BTD: variants seen among roughly 807,000 people sequenced by gnomAD.
The protein encoded by BTD is biocytinase.
Under a neutral mutation model 17.7 loss-of-function variants are expected in BTD, and 13 were observed. The observed-to-expected ratio is 0.74, with a 90% CI of 0.48 to 1.17. The LOEUF is 1.17. Ranked by LOEUF, BTD falls within the 50% of genes most tolerant of loss-of-function variation. BTD has a pLI of 0.00. For missense variants in BTD, 674 were observed against 650.4 expected (o/e 1.04, Z -0.39); for synonymous variants, 240 against 245.2 (o/e 0.98, Z 0.20).
rs1324742427 is a variant in BTD, at chr3:15,653,082, A to G, written c.*7594A>G. On this transcript the variant is annotated 3_prime_UTR_variant, in exon 4 of 4. Coordinates refer to ENST00000643237, the MANE Select transcript of BTD (RefSeq NM_001370658.1). ...AGACAGAGTTATCCAACAGCCTGGTATGGTGCAGACCAGGGGCTCTCGAAA... is the reference window on the plus strand; with the variant it reads ...AGACAGAGTTATCCAACAGCCTGGTGTGGTGCAGACCAGGGGCTCTCGAAA... Among the ~76,000 whole-genome samples, 1 of 152,232 alleles carries G rather than the reference A, an allele frequency of 6.6e-6. No homozygotes were observed. The highest frequency in any genetic ancestry group is 1.5e-5 in the Non-Finnish European group (1 of 68,040).
intron 3 of BTD, chr3:15,670,444 T>C: frequency 6.2e-7 from 1 of 1,613,978 alleles, no homozygotes; most frequent in Non-Finnish European, 8.5e-7. Context: ...TGGCATTGAA[T>C]GTTAAGGATG....
chr3:15,665,546 AG>A (rs1355861594), intron 3 of BTD, among the ~76,000 whole-genome samples: 2 of 152,236 alleles, frequency 1.3e-5, no homozygotes, highest in Non-Finnish European at 2.9e-5. Context: ...CAAAAAGAGA[AG>A]GAACAGGAAC....
intron 3 of BTD, chr3:15,668,279 T>C (rs2066082959): frequency 6.6e-6 from 1 of 151,970 alleles, no homozygotes. Context: ...TCTAGAAAAT[T>C]CCCTCAGGGA....
downstream of BTD, among the ~76,000 whole-genome samples, chr3:15,713,366 A>G (rs1371050698): frequency 6.6e-6 from 1 of 152,248 alleles, no homozygotes; most frequent in East Asian, 1.9e-4. Flanking sequence ...TTGTATTTAA[A>G]CATTTTAACC....
intron 3 of BTD, among the ~76,000 whole-genome samples, chr3:15,686,775 C>T (rs2068175200): frequency 6.6e-6 from 1 of 152,156 alleles, no homozygotes; most frequent in Non-Finnish European, 1.5e-5. Flanking sequence ...ATACTTTTAT[C>T]TTTAATAATG....
intron 3 of BTD, among the ~76,000 whole-genome samples, chr3:15,682,021 C>T (rs973974478): frequency 1.3e-5 from 2 of 151,878 alleles, no homozygotes; most frequent in Non-Finnish European, 2.9e-5. Context: ...ACTTAAGAGC[C>T]CCTCATTCTC....
intron 3 of BTD, chr3:15,686,093 T>G: frequency 6.2e-7 from 1 of 1,613,494 alleles, no homozygotes. Context: ...TGTGTGCCCG[T>G]TGAGAACAGA....
In BTD at chr3:15,649,742, C is replaced by G. The variant is rs1663573454; in HGVS notation, c.*4254C>G. Among the ~76,000 whole-genome samples the G allele has an allele frequency of 6.6e-6, 1 of 152,214 alleles. No individual in the cohort carries two copies. Among genetic ancestry groups the G allele is most frequent in the Admixed American group, 6.5e-5 (1 of 15,292 alleles). On this transcript the variant is annotated 3_prime_UTR_variant, in exon 4 of 4. Transcript: ENST00000643237. Reference sequence around the variant, plus strand: ...TTCAAGGTCTACTCTCTCATCACAGCTTGTGACTCTTCCACTTTTTGAACT... The same window carrying G: ...TTCAAGGTCTACTCTCTCATCACAGGTTGTGACTCTTCCACTTTTTGAACT...
intron 3 of BTD, chr3:15,679,234 T>G (rs915651269): frequency 6.8e-7 from 1 of 1,462,124 alleles, no homozygotes; most frequent in Admixed American, 1.7e-5. Context: ...CCTCCCAGAT[T>G]GTTAGGATTA....
intron 3 of BTD, among the ~76,000 whole-genome samples, chr3:15,643,969 AATTTATTTATTTATTT>A (rs72529474): frequency 0.032 from 4,469 of 137,972 alleles, 221 homozygotes; most frequent in African/African-American, 0.11. Context: ...TCATTTATTT[AATTTATTTATTTATTT>A]ATTTATTTAT....
At chr3:15,698,135 G>A (rs147424575) in intron 3 of BTD, among the ~76,000 whole-genome samples, 8 of 151,704 alleles carry the variant, frequency 5.3e-5, no homozygotes, top group East Asian at 1.9e-4. Context: ...TCTTGCTAGC[G>A]GTCTGTCTGA....
intron 3 of BTD, among the ~76,000 whole-genome samples, chr3:15,674,400 GT>G (rs55921505): frequency 0.85 from 128,387 of 151,898 alleles, 54,324 homozygotes; most frequent in East Asian, 0.96. Flanking sequence ...CTGAGCCACT[GT>G]TAAGAATGAG....
Position 15,684,858 on chromosome 3 carries a change from T to C in BTD, c.400-25202T>C, listed in dbSNP as rs80283212. The C allele has an allele frequency of 4.2e-3, 813 of 191,374 alleles. 8 individuals carry two copies. Among genetic ancestry groups the C allele is most frequent in the East Asian group, 0.019 (131 of 6,750 alleles). The allele number at this position is 191,374 out of a possible 1,614,324, so 11.9% of individuals were successfully genotyped here. On this transcript the variant is annotated intron_variant, in intron 3 of 3. Coordinates refer to the BTD transcript ENST00000672141. Reference sequence around the variant, plus strand: ...GAAAAACTTCAGGCTACATGGTGGCTCATGCCTGTAATCCCAACACTTTGG... The same window carrying C: ...GAAAAACTTCAGGCTACATGGTGGCCCATGCCTGTAATCCCAACACTTTGG...
At chr3:15,707,691 C>T (rs1200760388) in intron 3 of BTD, among the ~76,000 whole-genome samples, 1 of 152,156 alleles carries the variant, frequency 6.6e-6, no homozygotes, top group Non-Finnish European at 1.5e-5. Flanking sequence ...CAAGAAGGGA[C>T]CTTTATCTTT....
intron 3 of BTD, among the ~76,000 whole-genome samples, chr3:15,701,043 A>C (rs1428421044): frequency 6.6e-6 from 1 of 152,210 alleles, no homozygotes; most frequent in Non-Finnish European, 1.5e-5. Flanking sequence ...AAAATTCTTT[A>C]ATCAAATACT....
Position 15,635,329 on chromosome 3 carries a change from T to G in BTD, c.-16-95T>G. ...AGCCGCAGTATCACTGCGAGTGAGT[T>G]TAATTGCTGGGATTAATAAATCACA... On this transcript the variant is annotated intron_variant, in intron 1 of 3. Transcript: ENST00000643237. This position sits in a 1 kb window ranked among gnomAD's most constrained non-coding sequence, Gnocchi z 4.1. 1 of 1,578,046 alleles carries G rather than the reference T, an allele frequency of 6.3e-7. No homozygotes were observed. The highest frequency in any genetic ancestry group is 8.7e-7 in the Non-Finnish European group (1 of 1,152,414).
rs2065675264 is a variant in BTD at position 15,645,543 on chromosome 3, C to G, written c.*55C>G. 3 of 1,579,738 alleles carry G rather than the reference C, an allele frequency of 1.9e-6. No homozygotes were observed. In the East Asian group the frequency reaches 6.7e-5, roughly 35 times the overall value. On this transcript the variant is annotated 3_prime_UTR_variant, in exon 4 of 4. Coordinates refer to ENST00000643237, the MANE Select transcript of BTD (RefSeq NM_001370658.1). Reference sequence around the variant, plus strand: ...TGGCCATCATGTTGACAGCCTTGCACTTCCACAGGCTACAAGCCCTGGGAC... The same window carrying G: ...TGGCCATCATGTTGACAGCCTTGCAGTTCCACAGGCTACAAGCCCTGGGAC...
In BTD at chr3:15,643,070, C is replaced by A. The variant is rs140494239; in HGVS notation, c.399+1013C>A. 6.7e-4 allele frequency among the ~76,000 whole-genome samples: 102 copies of A among 151,660 alleles called. 3 individuals are homozygous for A. In the South Asian group the frequency reaches 0.02, roughly 30 times the overall value. On this transcript the variant is annotated intron_variant, in intron 3 of 3. Transcript: ENST00000643237. ...TAAAATAAAATAAAGAAATGGAATCCCTCAAAGGATATGTACATTTTAAAT... is the reference window on the plus strand; with the variant it reads ...TAAAATAAAATAAAGAAATGGAATCACTCAAAGGATATGTACATTTTAAAT...
chr3:15,702,277 A>G (rs1266797051), intron 3 of BTD, among the ~76,000 whole-genome samples: 1 of 152,200 alleles, frequency 6.6e-6, no homozygotes, highest in Non-Finnish European at 1.5e-5. Flanking sequence ...TTACAGTGGT[A>G]AGTTAACTAG....
Sources: allele counts gnomAD v4.1 joint callset (sites outside exome capture counted in the v4.1 genomes callset), GRCh38; gene constraint gnomAD v4.1.1; non-coding constraint Gnocchi (gnomAD v3.1); transcripts MANE v1.5; gene names NCBI Gene and HGNC (gene_info 2026-07-23, HGNC 2026-07-21).